The following SREK1 variants were observed in gnomAD, a reference collection of about 807,000 sequenced individuals.
SREK1 encodes splicing regulatory glutamine/lysine-rich protein 1.
Under a neutral mutation model 66.5 loss-of-function variants are expected in SREK1, and 13 were observed. The ratio of observed to expected loss-of-function variants is 0.20; its 90% CI spans 0.13 to 0.31. The LOEUF (loss-of-function observed/expected upper bound fraction) is 0.31. Among genes scored for constraint, SREK1 ranks in the 10% least tolerant of loss-of-function variants. The pLI, the probability that SREK1 is intolerant of heterozygous loss-of-function variation, is 1.00. For missense variants in SREK1, 607 were observed against 769.6 expected (o/e 0.79, Z 2.50); for synonymous variants, 265 against 263.5 (o/e 1.01, Z -0.05).
At chr5:66,161,601 A>G (rs1405171136) in intron 3 of SREK1, among the ~76,000 whole-genome samples, 35 of 152,232 alleles carry the variant, frequency 2.3e-4, no homozygotes, top group Admixed American at 2.3e-3. Context: ...CATGTATTAG[A>G]TAAGCTTCAT....
intron 1 of SREK1, among the ~76,000 whole-genome samples, chr5:66,152,697 CCTG>C (rs1280979454): frequency 2.6e-5 from 4 of 151,700 alleles, no homozygotes; most frequent in African/African-American, 9.7e-5. Context: ...TCTTTTTTTT[CCTG>C]CTAAAGACAA....
At chr5:66,156,279 T>G in intron 2 of SREK1, 1 of 1,319,758 alleles carries the variant, frequency 7.6e-7, no homozygotes. Context: ...TTTGTTTTTG[T>G]TTTTGTTTTG....
chr5:66,150,241 C>T (rs113555672), intron 1 of SREK1, among the ~76,000 whole-genome samples: 1,909 of 152,296 alleles, frequency 0.013, 44 homozygotes, highest in African/African-American at 0.043. Flanking sequence ...GTGCTAAGGC[C>T]TGTGCCAAAG....
chr5:66,174,831 G>T (rs983937482), intron 9 of SREK1, 115 bp from the exon 10 acceptor site: 25 of 861,950 alleles, frequency 2.9e-5, no homozygotes, highest in Non-Finnish European at 4.4e-5. Context: ...GTTTAAACTG[G>T]CCTCTAAAGA....
chr5:66,157,636 G>A, intron 2 of SREK1: 1 of 969,896 alleles, frequency 1.0e-6, no homozygotes, highest in Non-Finnish European at 1.2e-6. Flanking sequence ...ATTGTTATTT[G>A]ATGTTTTCAG....
chr5:66,154,628 C>T (rs187821468), intron 2 of SREK1, among the ~76,000 whole-genome samples: 2 of 152,168 alleles, frequency 1.3e-5, no homozygotes, highest in East Asian at 3.9e-4. Flanking sequence ...TTCAGAATGC[C>T]TGTTCTGGGA....
intron 7 of SREK1, chr5:66,169,441 A>G (rs973168140): frequency 9.9e-5 from 15 of 152,172 alleles, no homozygotes; most frequent in African/African-American, 1.9e-4. Context: ...ATAGAATGCA[A>G]ATATTCGAAA....
intron 1 of SREK1, among the ~76,000 whole-genome samples, chr5:66,147,245 T>C (rs1043889402): frequency 6.6e-6 from 1 of 152,174 alleles, no homozygotes; most frequent in East Asian, 1.9e-4. Context: ...TTTGTCATCC[T>C]TTTTTTGTGC....
rs1235011162 is a variant in SREK1 at position 66,175,046 on chromosome 5, G to C, written c.1580+5G>C. On this transcript the variant is annotated splice_donor_5th_base_variant and intron_variant, in intron 10 of 11. Coordinates refer to ENST00000334121, the MANE Select transcript of SREK1 (RefSeq NM_001077199.3). ...TAGATCTCCGTCCCCCAGGAGGTAG[G>C]TTGGGAGCTTGTGCTAAAACTAAAC... 1 of 1,607,636 alleles carries C rather than the reference G, an allele frequency of 6.2e-7. No homozygotes were observed. The highest frequency in any genetic ancestry group is 2.2e-5 in the East Asian group (1 of 44,774).
At chr5:66,165,074 G>A (rs948834194) in intron 7 of SREK1, 177 bp downstream of exon 7, 1 of 514,564 alleles carries the variant, frequency 1.9e-6, no homozygotes, top group African/African-American at 1.9e-5. Flanking sequence ...ATGAAATTTT[G>A]TCTAATGATA....
At chr5:66,163,559 T>G in intron 5 of SREK1, 1 of 359,540 alleles carries the variant, frequency 2.8e-6, no homozygotes, top group Non-Finnish European at 5.1e-6. Context: ...TTAAGTTAGC[T>G]AGGGTTCAAT....
intron 3 of SREK1, among the ~76,000 whole-genome samples, chr5:66,161,355 C>T (rs1173812059): frequency 6.6e-6 from 1 of 152,312 alleles, no homozygotes; most frequent in South Asian, 2.1e-4. Flanking sequence ...TGGACATACA[C>T]AGAGTGGTGA....
At chr5:66,169,944 G>C in intron 7 of SREK1, 107 bp from the exon 8 acceptor site, 1 of 869,346 alleles carries the variant, frequency 1.2e-6, no homozygotes. Flanking sequence ...TATTATTTAA[G>C]AGAAATTTTT....
At position 66,174,089 on chromosome 5, in the gene SREK1, T is replaced by C. The variant is rs141764311; in HGVS notation, c.1485-857T>C. Among the ~76,000 whole-genome samples the C allele has an allele frequency of 2.9e-3, 441 of 149,652 alleles. 2 individuals are homozygous for C. Among genetic ancestry groups the C allele is most frequent in the Middle Eastern group, 6.8e-3 (2 of 292 alleles). ...TAACATGAATTCCAGAGGATTTGGT[T>C]TTTTAGCTATGTGGTCACTGATTAT... On this transcript the variant is annotated intron_variant, in intron 9 of 11. Coordinates refer to ENST00000334121, the MANE Select transcript of SREK1 (RefSeq NM_001077199.3).
At chr5:66,156,091 G>A in intron 2 of SREK1, 2 of 1,520,806 alleles carry the variant, frequency 1.3e-6, no homozygotes, top group Non-Finnish European at 1.8e-6. Flanking sequence ...AGGCAGACCT[G>A]TTACACTTGC....
Position 66,182,610 on chromosome 5 carries a change from G to C in SREK1, c.*3742G>C, listed in dbSNP as rs1452003986. ...GACAGGGTCTCACTCTGTCACTCAG[G>C]CTGGAGTGCAGTGACACGATCATGG... On this transcript the variant is annotated 3_prime_UTR_variant, in exon 12 of 12. Transcript: ENST00000334121. The C allele has an allele frequency of 6.6e-6, 1 of 152,028 alleles. No homozygotes were observed. The highest frequency in any genetic ancestry group is 1.9e-4 in the East Asian group (1 of 5,190). 9.4% of individuals were successfully genotyped at this position (152,028 alleles called of 1,614,324 possible). A position where few individuals can be genotyped will look rare whatever the true frequency, so the allele number is the denominator to read the frequency against.
At chr5:66,163,989 T>C in intron 6 of SREK1, 67 bp downstream of exon 6, 1 of 1,523,060 alleles carries the variant, frequency 6.6e-7, no homozygotes, top group Non-Finnish European at 8.9e-7. Flanking sequence ...CTGGAAGGAA[T>C]TTTAGAAATC....
chr5:66,161,141 A>G (rs1744726970), intron 3 of SREK1, among the ~76,000 whole-genome samples: 1 of 152,188 alleles, frequency 6.6e-6, no homozygotes, highest in South Asian at 2.1e-4. Context: ...TGATATGAGG[A>G]TTAAGTTACT....
chr5:66,159,012 A>G, intron 2 of SREK1: 1 of 1,404,934 alleles, frequency 7.1e-7, no homozygotes, highest in Non-Finnish European at 9.3e-7. Flanking sequence ...GAGATTGTTA[A>G]TATTTGAAGT....
Sources: gnomAD v4.1 joint callset for allele counts (sites outside exome capture counted in the v4.1 genomes callset) on GRCh38, gnomAD v4.1.1 for gene constraint, MANE v1.5 for transcripts, NCBI Gene and HGNC (gene_info 2026-07-23, HGNC 2026-07-21) for gene names.